Variants in SLC25A26 observed in about 807,000 individuals in gnomAD.
The protein encoded by SLC25A26 is mitochondrial S-adenosylmethionine carrier protein.
SLC25A26 carries 36 observed loss-of-function variants against 37.8 expected under a neutral mutation model. The ratio of observed to expected loss-of-function variants is 0.95; its 90% CI spans 0.73 to 1.26. The LOEUF (loss-of-function observed/expected upper bound fraction) is 1.26. Among genes scored for constraint, SLC25A26 ranks in the 50% most tolerant of loss-of-function variants. The pLI is 0.00. For synonymous variants in SLC25A26, 129 were observed against 122.5 expected (o/e 1.05, Z -0.35); for missense variants, 390 against 331.1 (o/e 1.18, Z -1.38).
chr3:66,286,573 A>C (rs780393510), intron 5 of SLC25A26, among the ~76,000 whole-genome samples: 1 of 152,244 alleles, frequency 6.6e-6, no homozygotes, highest in East Asian at 1.9e-4. Context: ...GTTCCAAGCA[A>C]TGTCTTTATT....
At chr3:66,281,306 G>C (rs2074327990) in intron 5 of SLC25A26, among the ~76,000 whole-genome samples, 1 of 152,148 alleles carries the variant, frequency 6.6e-6, no homozygotes, top group South Asian at 2.1e-4. Context: ...TACACTAAAG[G>C]TTCAATTATC....
chr3:66,147,665 C>A (rs2070139961), intron 1 of SLC25A26, among the ~76,000 whole-genome samples: 1 of 152,200 alleles, frequency 6.6e-6, no homozygotes, highest in Non-Finnish European at 1.5e-5. Flanking sequence ...AATCTCCATA[C>A]TGTTTTTCAC....
upstream of SLC25A26, among the ~76,000 whole-genome samples, chr3:66,216,295 T>C (rs1227495846): frequency 6.6e-6 from 1 of 152,278 alleles, no homozygotes; most frequent in Non-Finnish European, 1.5e-5. Flanking sequence ...GTGGATCGCT[T>C]GAGCTCAGGA....
At chr3:66,278,918 G>A (rs1462105691) in intron 5 of SLC25A26, among the ~76,000 whole-genome samples, 1 of 152,052 alleles carries the variant, frequency 6.6e-6, no homozygotes, top group African/African-American at 2.4e-5. Flanking sequence ...TCTAAAAGTG[G>A]AGTACCGGTG....
At chr3:66,214,870 G>A (rs997881416) in intron 1 of SLC25A26, among the ~76,000 whole-genome samples, 16 of 152,142 alleles carry the variant, frequency 1.1e-4, no homozygotes, top group Non-Finnish European at 2.2e-4. Flanking sequence ...GCTCATGCCT[G>A]TAATCCCAGC....
intron 1 of SLC25A26, among the ~76,000 whole-genome samples, chr3:66,203,650 G>A (rs1474256037): frequency 1.1e-4 from 16 of 152,006 alleles, no homozygotes; most frequent in Non-Finnish European, 2.1e-4. Context: ...TTCCCCTTTG[G>A]GTGTCCCTTA....
intron 1 of SLC25A26, among the ~76,000 whole-genome samples, chr3:66,203,451 A>G (rs1379774628): frequency 2.0e-5 from 3 of 152,282 alleles, no homozygotes; most frequent in African/African-American, 4.8e-5. Context: ...TGTAATTTCT[A>G]AAAGAAAAAA....
chr3:66,312,991 T>C (rs1025697332), intron 5 of SLC25A26, among the ~76,000 whole-genome samples: 2 of 152,162 alleles, frequency 1.3e-5, no homozygotes, highest in Non-Finnish European at 2.9e-5. Flanking sequence ...TTGTTTTTCA[T>C]GTAAATATAA....
intron 1 of SLC25A26, among the ~76,000 whole-genome samples, chr3:66,233,056 C>T (rs551353914): frequency 1.3e-5 from 2 of 152,200 alleles, no homozygotes; most frequent in African/African-American, 4.8e-5. Context: ...ATGGCTGGCT[C>T]TTCTTAGCTG....
chr3:66,287,910 T>A (rs1325520849), intron 5 of SLC25A26, among the ~76,000 whole-genome samples: 1 of 152,246 alleles, frequency 6.6e-6, no homozygotes. Flanking sequence ...ATAGAAATTT[T>A]CTTTGTACAC....
At chr3:66,203,983 G>A (rs999502339) in intron 1 of SLC25A26, among the ~76,000 whole-genome samples, 68 of 152,150 alleles carry the variant, frequency 4.5e-4, no homozygotes, top group Non-Finnish European at 8.8e-4. Flanking sequence ...TTGTATAATG[G>A]AAAGAGGCAA....
intron 1 of SLC25A26, among the ~76,000 whole-genome samples, chr3:66,222,287 TCTC>T (rs1553658834): frequency 1.3e-5 from 2 of 151,914 alleles, no homozygotes; most frequent in African/African-American, 4.8e-5. Flanking sequence ...TTCACGCCAT[TCTC>T]CTGCCTCAGC....
intron 6 of SLC25A26, among the ~76,000 whole-genome samples, chr3:66,361,342 A>G (rs1298154645): frequency 6.6e-6 from 1 of 152,232 alleles, no homozygotes; most frequent in Non-Finnish European, 1.5e-5. Context: ...GAGTTAGGCA[A>G]AGATTTCTTA....
chr3:66,312,240 G>A (rs2075400100), intron 5 of SLC25A26, among the ~76,000 whole-genome samples: 1 of 152,142 alleles, frequency 6.6e-6, no homozygotes, highest in Admixed American at 6.5e-5. Flanking sequence ...TTTGCAGTGG[G>A]TTCTGCCCAG....
At chr3:66,231,363 AT>A (rs986777912) in intron 1 of SLC25A26, among the ~76,000 whole-genome samples, 12 of 150,124 alleles carry the variant, frequency 8.0e-5, no homozygotes, top group East Asian at 7.8e-4. Context: ...TAAATTAGAG[AT>A]TTTTTTTTTC....
At chr3:66,250,451 A>G (rs1489136490) in intron 3 of SLC25A26, among the ~76,000 whole-genome samples, 3 of 152,228 alleles carry the variant, frequency 2.0e-5, no homozygotes, top group African/African-American at 7.2e-5. Flanking sequence ...AGTGAGATGC[A>G]TTCAGTAGAA....
At chr3:66,293,532 C>A (rs1260331720) in intron 5 of SLC25A26, among the ~76,000 whole-genome samples, 1 of 151,656 alleles carries the variant, frequency 6.6e-6, no homozygotes, top group Admixed American at 6.6e-5. Context: ...TGATCCTCTC[C>A]CTCCTCCCAG....
chr3:66,148,836 G>T (rs2070157575), intron 1 of SLC25A26, among the ~76,000 whole-genome samples: 1 of 152,132 alleles, frequency 6.6e-6, no homozygotes, highest in African/African-American at 2.4e-5. Flanking sequence ...AGGATTACAA[G>T]CATGAGCCAC....
At chr3:66,341,626 T>A (rs1463786230) in intron 5 of SLC25A26, among the ~76,000 whole-genome samples, 1 of 152,202 alleles carries the variant, frequency 6.6e-6, no homozygotes, top group Non-Finnish European at 1.5e-5. Context: ...CTGTTCACAC[T>A]CATCTGCTTT....
Sources: allele counts gnomAD v4.1 joint callset (sites outside exome capture counted in the v4.1 genomes callset), GRCh38; gene constraint gnomAD v4.1.1; transcripts MANE v1.5; gene names NCBI Gene and HGNC (gene_info 2026-07-23, HGNC 2026-07-21).